ADGRL3: variants seen among roughly 807,000 people sequenced by gnomAD.
ADGRL3 encodes the protein adhesion G protein-coupled receptor L3, also known as calcium-independent alpha-latrotoxin receptor 3.
ADGRL3 carries 62 observed loss-of-function variants against 153.5 expected under a neutral mutation model. The ratio of observed to expected loss-of-function variants is 0.40; its 90% CI spans 0.33 to 0.50. The LOEUF (loss-of-function observed/expected upper bound fraction) is 0.50. Among genes scored for constraint, ADGRL3 ranks in the 20% least tolerant of loss-of-function variants. The probability of loss-of-function intolerance (pLI) is 0.47; values close to 1 mark genes in which losing one functional copy is unlikely to be tolerated. For missense variants in ADGRL3, 1,641 were observed against 1,859.4 expected (o/e 0.88, Z 2.16); for synonymous variants, 710 against 672.5 (o/e 1.06, Z -0.86).
intron 5 of ADGRL3, among the ~76,000 whole-genome samples, chr4:61,640,232 G>T (rs2093604534): frequency 6.6e-6 from 1 of 150,946 alleles, no homozygotes; most frequent in South Asian, 2.1e-4. Flanking sequence ...ATTTTGAATA[G>T]AAAAAAAAAT....
chr4:61,839,301 T>C (rs951137965), intron 9 of ADGRL3, among the ~76,000 whole-genome samples: 18 of 151,990 alleles, frequency 1.2e-4, no homozygotes, highest in African/African-American at 4.3e-4. Context: ...GGGGATCCTC[T>C]CACCTCAGCC....
chr4:61,812,053 A>G (rs2097632416), intron 8 of ADGRL3, among the ~76,000 whole-genome samples: 1 of 152,210 alleles, frequency 6.6e-6, no homozygotes, highest in African/African-American at 2.4e-5. Flanking sequence ...TCTGTATGTA[A>G]TGACACAGGG....
At chr4:61,757,287 T>A (rs941752341) in intron 8 of ADGRL3, among the ~76,000 whole-genome samples, 4 of 152,170 alleles carry the variant, frequency 2.6e-5, no homozygotes, top group South Asian at 2.1e-4. Flanking sequence ...AATTATTGCC[T>A]CAATTTCAGA....
chr4:61,920,961 A>G (rs537228812), intron 13 of ADGRL3, among the ~76,000 whole-genome samples: 13 of 152,250 alleles, frequency 8.5e-5, no homozygotes, highest in Non-Finnish European at 1.9e-4. Flanking sequence ...CCTCAGATGC[A>G]ACGAAAATGC....
intron 4 of ADGRL3, among the ~76,000 whole-genome samples, chr4:61,548,823 T>C (rs1257684881): frequency 6.6e-6 from 1 of 152,046 alleles, no homozygotes; most frequent in Non-Finnish European, 1.5e-5. Context: ...TTTGGTTCCA[T>C]GTGAATTTTC....
In ADGRL3 at chr4:62,073,055, C is replaced by A. The variant is rs1159546844; in HGVS notation, c.*2147C>A. 1 of 151,950 alleles carries A rather than the reference C, an allele frequency of 6.6e-6. No individual in the cohort carries two copies. Among genetic ancestry groups the A allele is most frequent in the Non-Finnish European group, 1.5e-5 (1 of 67,950 alleles). The allele number at this position is 151,950 out of a possible 1,614,324, so 9.4% of individuals were successfully genotyped here. A position where few individuals can be genotyped will look rare whatever the true frequency, so the allele number is the denominator to read the frequency against. On this transcript the variant is annotated 3_prime_UTR_variant, in exon 27 of 27. Transcript: ENST00000683033. Reference sequence around the variant, plus strand: ...TCCAAGTACAGATCCCCTGTTAGGGCAAAGCTAAAAGGAACCTGCCAAATT... The same window carrying A: ...TCCAAGTACAGATCCCCTGTTAGGGAAAAGCTAAAAGGAACCTGCCAAATT...
intron 8 of ADGRL3, among the ~76,000 whole-genome samples, chr4:61,764,827 G>A (rs1360690401): frequency 6.6e-6 from 1 of 151,780 alleles, no homozygotes; most frequent in African/African-American, 2.4e-5. Context: ...GCGGGATTAG[G>A]GGCGGCGTGG....
intron 2 of ADGRL3, among the ~76,000 whole-genome samples, chr4:61,419,693 C>A (rs544134375): frequency 1.3e-5 from 2 of 152,270 alleles, no homozygotes; most frequent in East Asian, 3.9e-4. Flanking sequence ...ATGCTGTACG[C>A]AGTCAATTTT....
chr4:61,668,757 G>T (rs747542731), intron 5 of ADGRL3, among the ~76,000 whole-genome samples: 3 of 152,094 alleles, frequency 2.0e-5, no homozygotes, highest in Non-Finnish European at 4.4e-5. Flanking sequence ...AGTGGCTCAC[G>T]CTTGTAATTC....
At chr4:61,238,542 A>G (rs1489500960) in intron 1 of ADGRL3, among the ~76,000 whole-genome samples, 1 of 151,902 alleles carries the variant, frequency 6.6e-6, no homozygotes, top group Non-Finnish European at 1.5e-5. Context: ...TACAGCAGTA[A>G]TACCCACTGT....
intron 1 of ADGRL3, among the ~76,000 whole-genome samples, chr4:61,279,983 G>A (rs2093650543): frequency 6.6e-6 from 1 of 152,040 alleles, no homozygotes; most frequent in Non-Finnish European, 1.5e-5. Context: ...ACATAGGAAT[G>A]TACTCTGAGA....
chr4:62,054,389 A>G (rs1735894740), intron 25 of ADGRL3, among the ~76,000 whole-genome samples: 2 of 151,612 alleles, frequency 1.3e-5, no homozygotes, highest in Admixed American at 6.6e-5. Flanking sequence ...TTTCAATCCT[A>G]CCACTGTTGG....
intron 8 of ADGRL3, among the ~76,000 whole-genome samples, chr4:61,734,676 G>T (rs2096486281): frequency 6.6e-6 from 1 of 152,112 alleles, no homozygotes. Flanking sequence ...TTTGGGTAGG[G>T]ACCCAGAGTC....
chr4:61,234,949 C>G (rs992523787), intron 1 of ADGRL3, among the ~76,000 whole-genome samples: 1 of 152,018 alleles, frequency 6.6e-6, no homozygotes, highest in Non-Finnish European at 1.5e-5. Context: ...ATATGAGATG[C>G]TTGAATGTGA....
intron 2 of ADGRL3, among the ~76,000 whole-genome samples, chr4:61,462,339 C>A (rs1199839566): frequency 6.6e-6 from 1 of 152,108 alleles, no homozygotes; most frequent in East Asian, 1.9e-4. Flanking sequence ...GATAACAACT[C>A]GAGTCACAGC....
chr4:61,577,225 G>C (rs183198212), intron 4 of ADGRL3, among the ~76,000 whole-genome samples: 1 of 148,732 alleles, frequency 6.7e-6, no homozygotes, highest in Admixed American at 6.7e-5. Context: ...GGAAATGGGG[G>C]GGGGATGAGG....
intron 17 of ADGRL3, among the ~76,000 whole-genome samples, chr4:61,970,909 A>G (rs1192090273): frequency 6.6e-6 from 1 of 152,104 alleles, no homozygotes; most frequent in Non-Finnish European, 1.5e-5. Flanking sequence ...AGTTAGATCA[A>G]TGCCAGGAAT....
At chr4:61,345,583 G>T (rs559744926) in intron 1 of ADGRL3, among the ~76,000 whole-genome samples, 2 of 152,188 alleles carry the variant, frequency 1.3e-5, no homozygotes, top group South Asian at 4.1e-4. Flanking sequence ...AAAAACTATG[G>T]TCCATGTACA....
At chr4:61,503,717 T>A (rs938454956) in intron 3 of ADGRL3, among the ~76,000 whole-genome samples, 1 of 152,126 alleles carries the variant, frequency 6.6e-6, no homozygotes, top group African/African-American at 2.4e-5. Flanking sequence ...TAAGTAAAAA[T>A]TTCAAATATT....
Sources: gnomAD v4.1 joint callset for allele counts (sites outside exome capture counted in the v4.1 genomes callset) on GRCh38, gnomAD v4.1.1 for gene constraint, MANE v1.5 for transcripts, NCBI Gene and HGNC (gene_info 2026-07-23, HGNC 2026-07-21) for gene names.